Variants in UGT1A5 observed in about 807,000 individuals in gnomAD.
The protein encoded by UGT1A5 is UDP-glucuronosyltransferase 1A5.
Under a neutral mutation model 40.3 loss-of-function variants are expected in UGT1A5, and 29 were observed. That is an observed-to-expected ratio of 0.72 (90% confidence interval 0.54 to 0.98). UGT1A5 has a LOEUF of 0.98. UGT1A5 is among the 50% of genes least tolerant of loss of function. The pLI, the probability that UGT1A5 is intolerant of heterozygous loss-of-function variation, is 0.00. For synonymous variants in UGT1A5, 257 were observed against 262.5 expected (o/e 0.98, Z 0.20); for missense variants, 678 against 677.9 (o/e 1.00, Z 0.00).
rs1288789107 is a variant in UGT1A5 at position 233,724,474 on chromosome 2, CTT to C, written c.867+10617_867+10618del. Among the ~76,000 whole-genome samples the C allele has an allele frequency of 8.4e-4, 66 of 78,806 alleles. 2 individuals carry two copies. The highest frequency in any genetic ancestry group is 3.0e-3 in the African/African-American group (63 of 21,154). 51.7% of individuals were successfully genotyped at this position (78,806 alleles called of 152,430 possible). A position where few individuals can be genotyped will look rare whatever the true frequency, so the allele number is the denominator to read the frequency against. On this transcript the variant is annotated intron_variant, in intron 1 of 4. Transcript: ENST00000373414. ...AGCTGCCGGGCGGAGGGGCTCCTCA[CTT>C]CTCAGACGGGGCGGCCGGGCAGAGA...
intron 1 of UGT1A5, 84 bp from the exon 2 acceptor site, chr2:233,766,950 A>G: frequency 6.2e-7 from 1 of 1,601,228 alleles, no homozygotes. Context: ...TCTTAAGAGG[A>G]AGATATCTAA....
intron 1 of UGT1A5, among the ~76,000 whole-genome samples, chr2:233,730,912 AG>A (rs1229657899): frequency 1.3e-5 from 2 of 152,192 alleles, no homozygotes; most frequent in East Asian, 3.9e-4. Context: ...CAAAAATTTC[AG>A]AGGCAGCTTT....
intron 1 of UGT1A5, chr2:233,752,526 A>C (rs1482911253): frequency 2.0e-5 from 3 of 152,234 alleles, no homozygotes; most frequent in Non-Finnish European, 4.4e-5. Context: ...AATTCTAAAA[A>C]TTCTTTAAAT....
chr2:233,757,306 AG>A (rs1394181032), intron 1 of UGT1A5, among the ~76,000 whole-genome samples: 3 of 7,688 alleles, frequency 3.9e-4, no homozygotes, highest in African/African-American at 1.6e-3. Context: ...GTTGGGGGAC[AG>A]GGGGGCTGGG....
intron 1 of UGT1A5, among the ~76,000 whole-genome samples, chr2:233,727,772 CAGTAGACG>C (rs1364688082): frequency 6.6e-6 from 1 of 152,208 alleles, no homozygotes; most frequent in Non-Finnish European, 1.5e-5. Context: ...GGGTGTCCCC[CAGTAGACG>C]CTTCCATTCA....
At chr2:233,734,012 C>T (rs930293751) in intron 1 of UGT1A5, among the ~76,000 whole-genome samples, 5 of 151,904 alleles carry the variant, frequency 3.3e-5, no homozygotes, top group East Asian at 1.9e-4. Flanking sequence ...TGTTAAATGA[C>T]GAGTTAATGG....
At chr2:233,720,428 A>G (rs1040145834) in intron 1 of UGT1A5, among the ~76,000 whole-genome samples, 1 of 152,036 alleles carries the variant, frequency 6.6e-6, no homozygotes, top group African/African-American at 2.4e-5. Flanking sequence ...AGGAGATAAG[A>G]CCGTGAATCT....
At chr2:233,743,105 G>C (rs1692204465) in intron 1 of UGT1A5, 2 of 354,440 alleles carry the variant, frequency 5.6e-6, no homozygotes, top group East Asian at 7.4e-5. Context: ...GGGTACAGCT[G>C]TTCTGAAAGT....
chr2:233,715,759 G>A (rs893076228), intron 1 of UGT1A5, among the ~76,000 whole-genome samples: 9 of 152,150 alleles, frequency 5.9e-5, no homozygotes, highest in South Asian at 2.1e-4. Context: ...GTGACAGAGC[G>A]AGGACCCATC....
At chr2:233,724,644 G>A (rs1189293479) in intron 1 of UGT1A5, among the ~76,000 whole-genome samples, 6 of 141,164 alleles carry the variant, frequency 4.3e-5, no homozygotes, top group Non-Finnish European at 7.7e-5. Flanking sequence ...ATGTGATGGC[G>A]GCTGGGAAGA....
At chr2:233,748,721 A>G (rs555676494) in intron 1 of UGT1A5, among the ~76,000 whole-genome samples, 1 of 151,762 alleles carries the variant, frequency 6.6e-6, no homozygotes, top group East Asian at 1.9e-4. Context: ...CTGGTGCATG[A>G]TGTGGGGACA....
At chr2:233,725,467 G>A (rs1170231243) in intron 1 of UGT1A5, among the ~76,000 whole-genome samples, 1 of 151,678 alleles carries the variant, frequency 6.6e-6, no homozygotes, top group Non-Finnish European at 1.5e-5. Flanking sequence ...TTTTCTAGTG[G>A]GCATGTTAGA....
rs917242803 is a variant in UGT1A5, at chr2:233,724,807, C to G, written c.867+10949C>G. On this transcript the variant is annotated intron_variant, in intron 1 of 4. Transcript: ENST00000373414. ...CTTCCCAGACGGGGTGGCGGCCGGG[C>G]AGAGGCTGCAATCTCGGCACTTTGG... 5.9e-4 allele frequency among the ~76,000 whole-genome samples: 82 copies of G among 138,372 alleles called. 2 individuals carry two copies. The highest frequency in any genetic ancestry group is 1.0e-3 in the Non-Finnish European group (67 of 64,874). 90.8% of individuals were successfully genotyped at this position (138,372 alleles called of 152,430 possible). A position where few individuals can be genotyped will look rare whatever the true frequency, so the allele number is the denominator to read the frequency against.
At chr2:233,713,971 G>C (rs1303952104) in intron 1 of UGT1A5, 113 bp downstream of exon 1, 1 of 1,600,252 alleles carries the variant, frequency 6.2e-7, no homozygotes, top group Non-Finnish European at 8.5e-7. Flanking sequence ...TTTCATTTCT[G>C]CTTCTCATTG....
chr2:233,766,956 T>C (rs1699290274), intron 1 of UGT1A5, 78 bp from the exon 2 acceptor site: 3 of 1,604,724 alleles, frequency 1.9e-6, no homozygotes, highest in Non-Finnish European at 2.5e-6. Flanking sequence ...GAGGAAGATA[T>C]CTAATTCATA....
intron 1 of UGT1A5, among the ~76,000 whole-genome samples, chr2:233,735,215 A>G (rs1250944794): frequency 6.6e-6 from 1 of 152,166 alleles, no homozygotes; most frequent in Non-Finnish European, 1.5e-5. Flanking sequence ...GGGTGCATAT[A>G]TATTTAGGAT....
At chr2:233,727,488 T>C (rs2077620726) in intron 1 of UGT1A5, among the ~76,000 whole-genome samples, 1 of 151,840 alleles carries the variant, frequency 6.6e-6, no homozygotes, top group Non-Finnish European at 1.5e-5. Context: ...TACTTGGAGG[T>C]AGAACATGGG....
At chr2:233,738,343 T>C (rs1471318863) in intron 1 of UGT1A5, among the ~76,000 whole-genome samples, 1 of 152,180 alleles carries the variant, frequency 6.6e-6, no homozygotes, top group Non-Finnish European at 1.5e-5. Context: ...TAAATTGGTG[T>C]CATGGAGAGT....
At chr2:233,715,915 T>G (rs2076477324) in intron 1 of UGT1A5, among the ~76,000 whole-genome samples, 1 of 152,210 alleles carries the variant, frequency 6.6e-6, no homozygotes, top group Admixed American at 6.5e-5. Context: ...GGAGGATCAT[T>G]GAGCTCAGGA....
Sources: allele counts gnomAD v4.1 joint callset (sites outside exome capture counted in the v4.1 genomes callset), GRCh38; gene constraint gnomAD v4.1.1; transcripts MANE v1.5; gene names NCBI Gene and HGNC (gene_info 2026-07-23, HGNC 2026-07-21).